Variants in SLC22A12 observed in about 807,000 individuals in gnomAD.
The protein encoded by SLC22A12 is organic anion transporter 4-like protein.
SLC22A12 carries 56 observed loss-of-function variants against 52.7 expected under a neutral mutation model. The observed-to-expected ratio is 1.06, with a 90% CI of 0.86 to 1.33. SLC22A12 has a LOEUF of 1.33. Among genes scored for constraint, SLC22A12 ranks in the 40% most tolerant of loss-of-function variants. The pLI, the probability that SLC22A12 is intolerant of heterozygous loss-of-function variation, is 0.00. For missense variants in SLC22A12, 683 were observed against 741.5 expected (o/e 0.92, Z 0.92); for synonymous variants, 337 against 324.6 (o/e 1.04, Z -0.41).
intron 4 of SLC22A12, among the ~76,000 whole-genome samples, chr11:64,597,905 G>A (rs2039303561): frequency 6.6e-6 from 1 of 152,180 alleles, no homozygotes; most frequent in East Asian, 1.9e-4. Flanking sequence ...CAGAGACTCA[G>A]GTGCGAGGGG....
At position 64,593,775 on chromosome 11, in the gene SLC22A12, C is replaced by T. The variant is rs1482380652; in HGVS notation, c.802C>T (p.Pro268Ser). 2 of 1,609,970 alleles carry T rather than the reference C, an allele frequency of 1.2e-6. No homozygotes were observed. Among genetic ancestry groups the T allele is most frequent in the Non-Finnish European group, 8.5e-7 (1 of 1,179,984 alleles). ...WTLLQLVVSV[P>S]FFLCFLYSWW... ...ACTGCTGCAGCTGGTGGTCTCGGTC[C>T]CCTTCTTCCTCTGCTTTTTGTACTC... Residue 268 changes from proline (P) to serine (S), a missense_variant, in exon 4 of 10, where the codon CCC becomes TCC. Pro to Ser is a moderately conservative substitution (Grantham distance 74, BLOSUM62 -1). Transcript: ENST00000377574.
At chr11:64,593,005 G>A in intron 2 of SLC22A12, 123 bp downstream of exon 2, 2 of 891,266 alleles carry the variant, frequency 2.2e-6, no homozygotes, top group Non-Finnish European at 3.5e-6. Flanking sequence ...CTACTTGCTG[G>A]GTGTGGGTCT....
chr11:64,596,878 C>T (rs2039264036), intron 4 of SLC22A12, among the ~76,000 whole-genome samples: 1 of 152,188 alleles, frequency 6.6e-6, no homozygotes, highest in African/African-American at 2.4e-5. Context: ...ACCCCCCTTT[C>T]CTTGGTAGAC....
chr11:64,600,420 G>A lies in SLC22A12; in HGVS notation c.1339G>A (p.Ala447Thr). ...LAVLGLGGVG[A>T]AFTCITIYSS... ...CGTGCTGGGGCTGGGCGGGGTGGGG[G>A]CTGCCTTCACCTGCATCACCATCTA... The change falls in exon 8 of 10, where the codon GCT (alanine) becomes ACT (threonine). Residue 447 changes from alanine to threonine, a missense_variant. Coordinates refer to ENST00000377574, the MANE Select transcript of SLC22A12 (RefSeq NM_144585.4). 1 of 1,607,906 alleles carries A rather than the reference G, an allele frequency of 6.2e-7. No individual in the cohort carries two copies.
intron 4 of SLC22A12, among the ~76,000 whole-genome samples, chr11:64,595,040 A>T (rs1221120991): frequency 6.7e-5 from 7 of 105,196 alleles, no homozygotes; most frequent in Non-Finnish European, 1.2e-4. Context: ...AGATGGATGG[A>T]TGGATGGGTG....
chr11:64,598,027 G>A (rs2039309219), intron 4 of SLC22A12, among the ~76,000 whole-genome samples: 1 of 152,162 alleles, frequency 6.6e-6, no homozygotes, highest in Non-Finnish European at 1.5e-5. Flanking sequence ...TTTGCAGGAG[G>A]AAGATGCAGC....
intron 4 of SLC22A12, among the ~76,000 whole-genome samples, chr11:64,594,355 G>A (rs1396875874): frequency 6.6e-6 from 1 of 152,262 alleles, no homozygotes; most frequent in Non-Finnish European, 1.5e-5. Context: ...CGGCATGTGT[G>A]GGAGGTTAGG....
At chr11:64,599,591 G>GACCCCCC in intron 6 of SLC22A12, 85 bp from the exon 7 acceptor site, 3 of 617,178 alleles carry the variant, frequency 4.9e-6, no homozygotes, top group South Asian at 5.2e-5. Flanking sequence ...CCCACCCTGA[G>GACCCCCC]CCCCCACCGC....
intron 9 of SLC22A12, among the ~76,000 whole-genome samples, chr11:64,601,162 T>G (rs1413879944): frequency 6.6e-6 from 1 of 152,034 alleles, no homozygotes; most frequent in Non-Finnish European, 1.5e-5. Flanking sequence ...TGCCTTTCAC[T>G]CCACCATTCA....
At chr11:64,596,415 G>T (rs1032692068) in intron 4 of SLC22A12, among the ~76,000 whole-genome samples, 2 of 152,068 alleles carry the variant, frequency 1.3e-5, no homozygotes, top group Non-Finnish European at 2.9e-5. Context: ...TTGAATGGAT[G>T]GATAGGTGGA....
Position 64,601,699 on chromosome 11 carries a change from GGT to G in SLC22A12, c.*150_*151del. ...ACTCTCCCCCAGGGCTGCCCCTCCA[GGT>G]GAGCCCTGCCCCTCTCACAGTCCAA... On this transcript the variant is annotated 3_prime_UTR_variant, in exon 10 of 10. Transcript: ENST00000377574. The G allele has an allele frequency of 1.2e-6, 1 of 834,342 alleles. No homozygotes were observed. Among genetic ancestry groups the G allele is most frequent in the Non-Finnish European group, 2.0e-6 (1 of 507,658 alleles). 51.7% of individuals were successfully genotyped at this position (834,342 alleles called of 1,614,324 possible).
intron 8 of SLC22A12, 76 bp downstream of exon 8, chr11:64,600,551 C>T: frequency 7.2e-7 from 1 of 1,387,490 alleles, no homozygotes; most frequent in Non-Finnish European, 9.8e-7. Context: ...GGACTGGCTT[C>T]TCCCAGACCT....
intron 4 of SLC22A12, 48 bp downstream of exon 4, chr11:64,593,851 C>G: frequency 6.3e-7 from 1 of 1,586,952 alleles, no homozygotes; most frequent in South Asian, 1.1e-5. Flanking sequence ...CCTGCCCACT[C>G]TCCACCCGGG....
At position 64,599,835 on chromosome 11, in the gene SLC22A12, C is replaced by T. The variant is rs757020167; in HGVS notation, c.1230C>T (p.Ala410=). 57 of 1,612,738 alleles carry T rather than the reference C, an allele frequency of 3.5e-5. No homozygotes were observed. Among genetic ancestry groups the T allele is most frequent in the Non-Finnish European group, 4.3e-5 (51 of 1,179,886 alleles). The change falls in exon 7 of 10, where the codon GCC becomes GCT. Residue 410 remains alanine, a synonymous_variant. Transcript: ENST00000377574. ...ACCTGGGCCGCCGCCCCACGCTGGC[C>T]GCATCCCTGTTGCTGGCAGGGCTCT... ...LSHLGRRPTL[A]ASLLLAGLCI... is the part of the protein sequence containing the mutation.
intron 1 of SLC22A12, 102 bp from the exon 2 acceptor site, chr11:64,592,677 C>A: frequency 1.1e-6 from 1 of 933,702 alleles, no homozygotes; most frequent in Non-Finnish European, 1.8e-6. Context: ...CACCAGACCA[C>A]CCACCGCACC....
chr11:64,595,165 A>T (rs2039093623), intron 4 of SLC22A12, among the ~76,000 whole-genome samples: 1 of 130,056 alleles, frequency 7.7e-6, no homozygotes. Flanking sequence ...GGATGGTTGG[A>T]TGGATGGATG....
In SLC22A12 at chr11:64,600,716, G is replaced by T; in HGVS notation, c.1395-19G>T. On this transcript the variant is annotated intron_variant, in intron 8 of 9. Coordinates refer to ENST00000377574, the MANE Select transcript of SLC22A12 (RefSeq NM_144585.4). Reference sequence around the variant, plus strand: ...TGGGCACACAGACCAGGCGCTTATAGGTGCATCTGCATTGGCAGGATGACG... The same window carrying T: ...TGGGCACACAGACCAGGCGCTTATATGTGCATCTGCATTGGCAGGATGACG... 6.2e-7 allele frequency: 1 copy of T among 1,603,612 alleles called. No homozygotes were observed.
rs548145636 is a variant in SLC22A12, at chr11:64,598,877, C to T, written c.1024C>T (p.Arg342Cys). The T allele has an allele frequency of 1.7e-4, 277 of 1,612,966 alleles. 7 individuals carry two copies. The South Asian group carries it at 2.8e-3, about 17-fold the overall frequency. ...QPPASLGTLL[R>C]MPGLRFRTCI... The stretch of plus-strand genomic sequence containing the variant: ...TCCTGCCAGCCTGGGCACCCTGCTC[C>T]GCATGCCCGGACTGCGCTTCCGGAC... Residue 342 changes from arginine to cysteine, a missense_variant, in exon 6 of 10, where the codon CGC (arginine) becomes TGC (cysteine). Transcript: ENST00000377574.
At chr11:64,592,177 G>C (rs1013199344) in intron 1 of SLC22A12, among the ~76,000 whole-genome samples, 1 of 152,168 alleles carries the variant, frequency 6.6e-6, no homozygotes, top group Non-Finnish European at 1.5e-5. Flanking sequence ...GGTGCGGGGG[G>C]CACCTGGGCG....
Sources: gnomAD v4.1 joint callset for allele counts (sites outside exome capture counted in the v4.1 genomes callset) on GRCh38, gnomAD v4.1.1 for gene constraint, MANE v1.5 for transcripts, NCBI Gene and HGNC (gene_info 2026-07-23, HGNC 2026-07-21) for gene names.